Variants in TJP1 observed in about 807,000 individuals in gnomAD.
The protein encoded by TJP1 is tight junction protein ZO-1.
In TJP1, 43 loss-of-function variants were observed where a neutral mutation model predicts 194.2. The observed-to-expected ratio is 0.22, with a 90% CI of 0.17 to 0.29. The LOEUF is 0.29. Among genes scored for constraint, TJP1 ranks in the 10% least tolerant of loss-of-function variants. The pLI, the probability that TJP1 is intolerant of heterozygous loss-of-function variation, is 1.00. For missense variants in TJP1, 1,971 were observed against 2,185.7 expected (o/e 0.90, Z 1.96); for synonymous variants, 801 against 779.0 (o/e 1.03, Z -0.47).
chr15:29,832,838 T>C (rs1421332623), intron 2 of TJP1, among the ~76,000 whole-genome samples: 1 of 152,236 alleles, frequency 6.6e-6, no homozygotes, highest in Admixed American at 6.5e-5. Flanking sequence ...GAAACAGTCA[T>C]TGAGATTGCT....
intron 2 of TJP1, among the ~76,000 whole-genome samples, chr15:29,882,199 A>T (rs1307932056): frequency 3.3e-5 from 5 of 152,168 alleles, no homozygotes; most frequent in Admixed American, 6.5e-5. Flanking sequence ...TGAGCCCTTC[A>T]TCAGCACACT....
chr15:29,716,039 G>T (rs959104972), intron 23 of TJP1, among the ~76,000 whole-genome samples: 5 of 152,250 alleles, frequency 3.3e-5, no homozygotes, highest in African/African-American at 1.2e-4. Context: ...GCACAAGAAA[G>T]GAGAACAAAC....
intron 23 of TJP1, among the ~76,000 whole-genome samples, chr15:29,712,923 G>A (rs2042329212): frequency 6.6e-6 from 1 of 152,138 alleles, no homozygotes; most frequent in Non-Finnish European, 1.5e-5. Flanking sequence ...TAAATGGAGA[G>A]ATAGAAATAT....
chr15:29,941,825 C>G (rs753684642), intron 2 of TJP1, among the ~76,000 whole-genome samples: 8 of 151,812 alleles, frequency 5.3e-5, no homozygotes, highest in Non-Finnish European at 1.0e-4. Flanking sequence ...GGCGTGCATG[C>G]GTGTATGTGT....
upstream of TJP1, chr15:29,968,973 C>T (rs2056427870): frequency 6.7e-6 from 1 of 149,050 alleles, no homozygotes; most frequent in Non-Finnish European, 1.5e-5. Flanking sequence ...CGGCCGCTCC[C>T]GCCGCCGCCG....
At chr15:29,826,707 C>T (rs1390754389), upstream of TJP1, among the ~76,000 whole-genome samples, 4 of 152,114 alleles carry the variant, frequency 2.6e-5, no homozygotes, top group Non-Finnish European at 5.9e-5. Flanking sequence ...AGAATTCAAG[C>T]GTCTTCTAGT....
chr15:29,861,101 A>T (rs1250255981), intron 2 of TJP1, among the ~76,000 whole-genome samples: 1 of 152,200 alleles, frequency 6.6e-6, no homozygotes, highest in Non-Finnish European at 1.5e-5. Context: ...ATATGCATGT[A>T]TGCATTTTGT....
chr15:29,914,051 G>C (rs535571765), intron 2 of TJP1, among the ~76,000 whole-genome samples: 44 of 152,234 alleles, frequency 2.9e-4, no homozygotes, highest in African/African-American at 1.0e-3. Flanking sequence ...GATGGTATCT[G>C]CCTCTGTCAC....
chr15:29,890,477 C>T (rs920850197), intron 2 of TJP1, among the ~76,000 whole-genome samples: 9 of 152,134 alleles, frequency 5.9e-5, no homozygotes, highest in Non-Finnish European at 1.3e-4. Flanking sequence ...TGTTTCTGTG[C>T]AGCCATTGTT....
intron 12 of TJP1, among the ~76,000 whole-genome samples, chr15:29,733,570 T>C (rs1249750525): frequency 6.6e-6 from 1 of 152,252 alleles, no homozygotes; most frequent in Non-Finnish European, 1.5e-5. Flanking sequence ...TGTTTTCTAT[T>C]ATATCATCTA....
chr15:29,741,332 G>T lies in TJP1; in HGVS notation c.1255C>A (p.Arg419=). The T allele has an allele frequency of 1.9e-6, 3 of 1,584,606 alleles. No homozygotes were observed. The highest frequency in any genetic ancestry group is 2.6e-6 in the Non-Finnish European group (3 of 1,168,516). ...AATACAACTTTAAAATTGTATTACCGAAGAATCCCATCTTCATGAGTTGAA... is the reference window on the plus strand; with the variant it reads ...AATACAACTTTAAAATTGTATTACCTAAGAATCCCATCTTCATGAGTTGAA... The part of the protein sequence containing the change: ...PNSTHEDGIL[R]PSMKLVKFRK... Residue 419 remains arginine (R), a splice_region_variant and synonymous_variant, in exon 10 of 28, where the codon CGG becomes AGG. Coordinates refer to ENST00000614355, the MANE Select transcript of TJP1 (RefSeq NM_001330239.4).
At chr15:29,891,872 A>C (rs2053321622) in intron 2 of TJP1, among the ~76,000 whole-genome samples, 1 of 152,186 alleles carries the variant, frequency 6.6e-6, no homozygotes, top group Admixed American at 6.5e-5. Flanking sequence ...CCAATTGATA[A>C]CCCTGTAAGG....
intron 11 of TJP1, among the ~76,000 whole-genome samples, chr15:29,736,763 T>C (rs181268769): frequency 1.6e-4 from 25 of 152,268 alleles, no homozygotes; most frequent in African/African-American, 6.0e-4. Context: ...AGCTTACACA[T>C]TTGCCTTTGA....
chr15:29,730,823 A>T, intron 15 of TJP1: 2 of 940,138 alleles, frequency 2.1e-6, no homozygotes, highest in Non-Finnish European at 3.5e-6. Flanking sequence ...CTCCAAAGCC[A>T]GAGCCCAAGC....
At chr15:29,919,261 GA>G (rs1275476690) in intron 2 of TJP1, among the ~76,000 whole-genome samples, 2 of 152,220 alleles carry the variant, frequency 1.3e-5, no homozygotes, top group Non-Finnish European at 2.9e-5. Context: ...GAGAGGAGCA[GA>G]AAAGTCCCAG....
At chr15:29,863,727 CT>C (rs976276088) in intron 2 of TJP1, among the ~76,000 whole-genome samples, 59 of 152,234 alleles carry the variant, frequency 3.9e-4, no homozygotes, top group African/African-American at 1.4e-3. Context: ...CAGTGCTGCT[CT>C]TTGGTGGTAG....
In TJP1 at chr15:29,772,184, C is replaced by T. The variant is rs766544251; in HGVS notation, c.210-18G>A. The T allele has an allele frequency of 2.1e-6, 3 of 1,462,834 alleles. No individual in the cohort carries two copies. The highest frequency in any genetic ancestry group is 1.7e-4 in the Middle Eastern group (1 of 5,750). 90.6% of individuals were successfully genotyped at this position (1,462,834 alleles called of 1,614,324 possible). A position where few individuals can be genotyped will look rare whatever the true frequency, so the allele number is the denominator to read the frequency against. On this transcript the variant is annotated intron_variant, in intron 3 of 27. Transcript: ENST00000614355. ...CATTTTCCCTAAGGGGAAAAGGGCA[C>T]AAAATAATATGTTAGAGAAAAACAT... is the stretch of plus-strand genomic sequence containing the variant.
chr15:29,726,720 G>A, intron 17 of TJP1, 61 bp downstream of exon 17: 9 of 1,463,448 alleles, frequency 6.1e-6, no homozygotes, highest in Non-Finnish European at 8.6e-6. Flanking sequence ...GTAACATTTT[G>A]GCCTACTTAA....
chr15:29,960,943 G>C (rs917615928), intron 1 of TJP1, among the ~76,000 whole-genome samples: 1 of 152,140 alleles, frequency 6.6e-6, no homozygotes, highest in African/African-American at 2.4e-5. Context: ...AAGTAGAAGT[G>C]CTCTTGTAGG....
Sources: allele counts gnomAD v4.1 joint callset (sites outside exome capture counted in the v4.1 genomes callset), GRCh38; gene constraint gnomAD v4.1.1; transcripts MANE v1.5; gene names NCBI Gene and HGNC (gene_info 2026-07-23, HGNC 2026-07-21).